The following KIF11 variants were observed in gnomAD, a reference collection of about 807,000 sequenced individuals.
The protein encoded by KIF11 is kinesin family member 11, also known as kinesin-like protein KIF11.
A neutral mutation model predicts 121.0 loss-of-function variants in KIF11; 9 were observed. That is an observed-to-expected ratio of 0.07 (90% confidence interval 0.04 to 0.13). KIF11 has a LOEUF of 0.13. Among genes scored for constraint, KIF11 ranks in the 10% least tolerant of loss-of-function variants. KIF11 has a pLI of 1.00. For missense variants in KIF11, 846 were observed against 1,217.5 expected (o/e 0.69, Z 4.54); for synonymous variants, 408 against 421.0 (o/e 0.97, Z 0.38).
chr10:92,621,624 C>G, intron 10 of KIF11, 151 bp downstream of exon 10: 1 of 501,152 alleles, frequency 2.0e-6, no homozygotes. Flanking sequence ...TCTTTTGAGA[C>G]AAGGTCTCGC....
At chr10:92,636,854 G>A (rs868429865) in intron 14 of KIF11, among the ~76,000 whole-genome samples, 4 of 151,468 alleles carry the variant, frequency 2.6e-5, no homozygotes, top group African/African-American at 4.8e-5. Context: ...CCAACATGGC[G>A]AAACCCCATC....
Position 92,654,403 on chromosome 10 carries a change from C to T in KIF11, c.*607C>T, listed in dbSNP as rs1845022384. The T allele has an allele frequency of 6.6e-6, 1 of 152,152 alleles. No homozygotes were observed. The highest frequency in any genetic ancestry group is 1.5e-5 in the Non-Finnish European group (1 of 68,042). 9.4% of individuals were successfully genotyped at this position (152,152 alleles called of 1,614,324 possible). On this transcript the variant is annotated 3_prime_UTR_variant, in exon 22 of 22. Transcript: ENST00000260731. ...AAGTAATGAATATATAAGAACTGTA[C>T]TCTTCTCAGCTTGAGCTTACATAGG...
rs919640765 is a variant in KIF11, at chr10:92,621,396, G to T, written c.1140G>T (p.Glu380Asp). The T allele has an allele frequency of 6.2e-7, 1 of 1,609,658 alleles. No homozygotes were observed. The highest frequency in any genetic ancestry group is 8.5e-7 in the Non-Finnish European group (1 of 1,176,226). Residue 380 changes from glutamate to aspartate, a missense_variant, in exon 10 of 22, where the codon GAG becomes GAT. Physicochemically the swap from Glu to Asp is conservative, Grantham distance 45. Around this residue, in one of 5 missense-constraint regions of KIF11, gnomAD observed 116 missense variants for 285.3 expected, o/e 0.41. Coordinates refer to ENST00000260731, the MANE Select transcript of KIF11 (RefSeq NM_004523.4). ...TKKALIKEYT[E>D]EIERLKRDLA... ...TTCCTCTTGTGTAGGAGTATACGGA[G>T]GAGATAGAACGTTTAAAACGAGATC...
At position 92,613,185 on chromosome 10, in the gene KIF11, T is replaced by C. The variant is rs2275219; in HGVS notation, c.789+55T>C. ...ACTCTTAAACACCTTATAGAGCAGC[T>C]TGAAATTTTGTCCTTGAGACAAAAT... On this transcript the variant is annotated intron_variant, in intron 7 of 21. Transcript: ENST00000260731. The surrounding 1 kb of genome is among the most constrained non-coding windows in gnomAD (Gnocchi z 4.2). 125,825 of 1,379,638 alleles carry C rather than the reference T, an allele frequency of 0.091. 6,982 individuals carry two copies. The highest frequency in any genetic ancestry group is 0.19 in the Admixed American group (8,844 of 45,662). 85.5% of individuals were successfully genotyped at this position (1,379,638 alleles called of 1,614,324 possible). A position where few individuals can be genotyped will look rare whatever the true frequency, so the allele number is the denominator to read the frequency against.
chr10:92,630,867 CAAAAAAAAAAAA>C, intron 12 of KIF11, among the ~76,000 whole-genome samples: 1 of 100,002 alleles, frequency 1.0e-5, no homozygotes, highest in East Asian at 2.8e-4. Flanking sequence ...AACTCCGTCT[CAAAAAAAAAAAA>C]AAAAAAGAAA....
intron 14 of KIF11, among the ~76,000 whole-genome samples, chr10:92,635,960 T>C (rs748208641): frequency 3.4e-4 from 51 of 152,208 alleles, no homozygotes; most frequent in Non-Finnish European, 5.9e-4. Context: ...ATTTCTGTTA[T>C]ACTTCCTCAG....
rs779072113 is a variant in KIF11 at position 92,613,464 on chromosome 10, T to C, written c.877T>C (p.Leu293=). 5.6e-6 allele frequency: 9 copies of C among 1,612,838 alleles called. No individual in the cohort carries two copies. The highest frequency in any genetic ancestry group is 2.2e-5 in the East Asian group (1 of 44,858). The part of the protein sequence containing the change: ...REAGNINQSL[L]TLGRVITALV... ...AGCTGGAAATATAAATCAATCCCTG[T>C]TGACTTTGGGAAGGGTCATTACTGC... The change falls in exon 8 of 22, where the codon TTG becomes CTG. Residue 293 remains leucine, a synonymous_variant. Coordinates refer to ENST00000260731, the MANE Select transcript of KIF11 (RefSeq NM_004523.4). The surrounding 1 kb of genome is among the most constrained non-coding windows in gnomAD (Gnocchi z 4.2).
intron 4 of KIF11, 128 bp downstream of exon 4, chr10:92,607,365 C>G (rs1231485871): frequency 1.7e-6 from 1 of 588,626 alleles, no homozygotes; most frequent in Non-Finnish European, 3.0e-6. Flanking sequence ...TTAGGATAAA[C>G]CACTACTACA....
intron 10 of KIF11, among the ~76,000 whole-genome samples, chr10:92,625,088 C>A (rs1270512759): frequency 4.6e-5 from 7 of 151,900 alleles, no homozygotes; most frequent in Admixed American, 4.6e-4. Context: ...GTTTTAAGTT[C>A]TTTGAGAAGT....
At chr10:92,599,950 T>A (rs1844348885) in intron 1 of KIF11, among the ~76,000 whole-genome samples, 1 of 133,952 alleles carries the variant, frequency 7.5e-6, no homozygotes, top group Non-Finnish European at 1.6e-5. Flanking sequence ...TGTGCCTGGC[T>A]TTTTTTTTTT....
intron 17 of KIF11, among the ~76,000 whole-genome samples, chr10:92,642,497 A>C (rs1184257658): frequency 6.6e-6 from 1 of 152,220 alleles, no homozygotes; most frequent in African/African-American, 2.4e-5. Context: ...CAGGTCATCC[A>C]CGGCCTTACT....
chr10:92,648,157 T>C (rs1844941720), intron 18 of KIF11, 55 bp from the exon 19 acceptor site: 1 of 1,204,824 alleles, frequency 8.3e-7, no homozygotes, highest in South Asian at 1.5e-5. Context: ...TGATGTTGAA[T>C]AAAACACTGG....
chr10:92,599,999 A>ATTATTAT (rs1417673044), intron 1 of KIF11, among the ~76,000 whole-genome samples: 67 of 121,672 alleles, frequency 5.5e-4, no homozygotes, highest in Admixed American at 1.9e-3. Context: ...TATTATTATT[A>ATTATTAT]TTATTTATTT....
intron 11 of KIF11, among the ~76,000 whole-genome samples, 179 bp from the exon 12 acceptor site, chr10:92,629,997 T>A (rs540682441): frequency 2.0e-5 from 3 of 152,332 alleles, no homozygotes; most frequent in African/African-American, 7.2e-5. Flanking sequence ...AGACCTATTA[T>A]TTAATCTCAA....
Position 92,645,569 on chromosome 10 carries a change from G to A in KIF11, c.2474G>A (p.Arg825Lys). The A allele has an allele frequency of 6.2e-7, 1 of 1,613,102 alleles. No individual in the cohort carries two copies. The highest frequency in any genetic ancestry group is 8.5e-7 in the Non-Finnish European group (1 of 1,179,326). Residue 825 changes from arginine (R) to lysine (K), a missense_variant, in exon 18 of 22, where the codon AGA becomes AAA. Around this residue, in one of 5 missense-constraint regions of KIF11, gnomAD observed 492 missense variants for 603.4 expected, o/e 0.82. Coordinates refer to ENST00000260731, the MANE Select transcript of KIF11 (RefSeq NM_004523.4). ...CAGAGATGTGAATCTCTGAACACAA[G>A]AACAGTTTATTTTTCTGAACAGTGG... ...TEQRCESLNT[R>K]TVYFSEQWVS...
chr10:92,647,926 T>C (rs1844937302), intron 18 of KIF11, among the ~76,000 whole-genome samples: 3 of 151,980 alleles, frequency 2.0e-5, no homozygotes, highest in Admixed American at 6.6e-5. Context: ...TTGGGCAACA[T>C]GGTGAAATGC....
At chr10:92,602,306 T>A (rs1217469938) in intron 1 of KIF11, among the ~76,000 whole-genome samples, 1 of 152,206 alleles carries the variant, frequency 6.6e-6, no homozygotes, top group Non-Finnish European at 1.5e-5. Context: ...CTTTGCCAGA[T>A]TTTTTCTGGG....
Position 92,655,157 on chromosome 10 carries a change from CGAT to C in KIF11, c.*1364_*1366del, listed in dbSNP as rs976437455. The C allele has an allele frequency of 1.3e-5, 2 of 152,516 alleles. No homozygotes were observed. Among genetic ancestry groups the C allele is most frequent in the Non-Finnish European group, 2.9e-5 (2 of 68,030 alleles). 9.4% of individuals were successfully genotyped at this position (152,516 alleles called of 1,614,324 possible). A position where few individuals can be genotyped will look rare whatever the true frequency, so the allele number is the denominator to read the frequency against. On this transcript the variant is annotated 3_prime_UTR_variant, in exon 22 of 22. Coordinates refer to ENST00000260731, the MANE Select transcript of KIF11 (RefSeq NM_004523.4). ...GTACAAAGAATAAATTTTCTGCTCACGATGAGTTTAGTGTGTAAAGTTTAGAGA... is the reference window on the plus strand; with the variant it reads ...GTACAAAGAATAAATTTTCTGCTCACGAGTTTAGTGTGTAAAGTTTAGAGA...
intron 6 of KIF11, among the ~76,000 whole-genome samples, chr10:92,612,472 A>G (rs1009870061): frequency 6.6e-6 from 1 of 152,134 alleles, no homozygotes; most frequent in African/African-American, 2.4e-5. Context: ...TAGACTTTTG[A>G]ACATTTTATA....
Sources: gnomAD v4.1 joint callset for allele counts (sites outside exome capture counted in the v4.1 genomes callset) on GRCh38, gnomAD v4.1.1 for gene constraint, gnomAD v4.1.1 regional missense constraint, Gnocchi (gnomAD v3.1) non-coding constraint, MANE v1.5 for transcripts, NCBI Gene and HGNC (gene_info 2026-07-23, HGNC 2026-07-21) for gene names.